Variants in CERKL observed in about 807,000 individuals in gnomAD.
The protein encoded by CERKL is ceramide kinase-like protein.
A neutral mutation model predicts 63.4 loss-of-function variants in CERKL; 61 were observed. That is an observed-to-expected ratio of 0.96 (90% CI 0.78 to 1.19). The LOEUF (loss-of-function observed/expected upper bound fraction) is 1.19, where lower values mean the gene tolerates loss of function less well. Among genes scored for constraint, CERKL ranks in the 50% most tolerant of loss-of-function variants. CERKL has a pLI of 0.00. For synonymous variants in CERKL, 250 were observed against 230.5 expected, an observed-to-expected ratio of 1.08 and a Z score of -0.77; for missense variants, 675 against 655.5, an observed-to-expected ratio of 1.03 and a Z score of -0.33.
chr2:181,635,251 A>G (rs1401811459), intron 1 of CERKL, among the ~76,000 whole-genome samples: 1 of 152,170 alleles, frequency 6.6e-6, no homozygotes, highest in Non-Finnish European at 1.5e-5. Context: ...AACCTGTAAA[A>G]TGACAGGTGT....
chr2:181,644,584 G>C (rs1020047251), intron 1 of CERKL, among the ~76,000 whole-genome samples: 1 of 152,114 alleles, frequency 6.6e-6, no homozygotes, highest in African/African-American at 2.4e-5. Flanking sequence ...TGAGCAACAT[G>C]GAACCTTCCT....
chr2:181,538,216 C>CATAAAGACTGATAA lies in CERKL; in HGVS notation c.1553_1566dup (p.Gly523LeufsTer12), dbSNP rs1242972363. On this transcript the variant is annotated frameshift_variant, in exon 13 of 13. Transcript: ENST00000410087. LOFTEE classifies it high-confidence loss of function. ...GGAATCATTTCTTCCATGCTTCCTCCATAAAGACTGATAAGTCTTGGATGC... is the reference window on the plus strand; with the variant it reads ...GGAATCATTTCTTCCATGCTTCCTCCATAAAGACTGATAAATAAAGACTGATAAGTCTTGGATGC... 1 of 1,590,532 alleles carries CATAAAGACTGATAA rather than the reference C, an allele frequency of 6.3e-7. No individual in the cohort carries two copies. The highest frequency in any genetic ancestry group is 8.6e-7 in the Non-Finnish European group (1 of 1,159,606).
rs1161297147 is a variant in CERKL at position 181,548,907 on chromosome 2, CA to C, written c.896-51del. ...TCAGTGAGTACAGTAGGACTTGTATCAAAACAGCAAACATAAGAGAGCATAT... is the reference window on the plus strand; with the variant it reads ...TCAGTGAGTACAGTAGGACTTGTATCAAACAGCAAACATAAGAGAGCATAT... On this transcript the variant is annotated intron_variant, in intron 6 of 12. Coordinates refer to ENST00000410087, the MANE Select transcript of CERKL (RefSeq NM_201548.5). The C allele has an allele frequency of 5.3e-6, 8 of 1,517,544 alleles. 1 individual carries two copies. The highest frequency in any genetic ancestry group is 6.4e-6 in the Non-Finnish European group (7 of 1,094,564). 94.0% of individuals were successfully genotyped at this position (1,517,544 alleles called of 1,614,324 possible).
chr2:181,615,838 T>C (rs545407739), intron 1 of CERKL, among the ~76,000 whole-genome samples: 3 of 152,338 alleles, frequency 2.0e-5, no homozygotes, highest in Admixed American at 2.0e-4. Context: ...TGAAAACCCA[T>C]CACAATATAA....
chr2:181,648,853 T>C (rs56114633), intron 1 of CERKL, among the ~76,000 whole-genome samples: 14,038 of 152,274 alleles, frequency 0.092, 829 homozygotes, highest in East Asian at 0.12. Flanking sequence ...CAGCTTAAAA[T>C]AGTTTATTAT....
rs1231700279 is a variant in CERKL, at chr2:181,592,224, T to C, written c.481+11613A>G. Among the ~76,000 whole-genome samples the C allele has an allele frequency of 3.9e-5, 6 of 152,182 alleles. No individual in the cohort carries two copies. The South Asian group carries it at 1.0e-3, about 26-fold the overall frequency. The stretch of plus-strand genomic sequence containing the variant: ...TTTCTCTCTCTTGACTCAGCTGATT[T>C]AATGTTATAAACATTTTAAATGTTT... On this transcript the variant is annotated intron_variant, in intron 2 of 12. Transcript: ENST00000410087.
At chr2:181,610,658 CCTG>C (rs1330076541) in intron 1 of CERKL, among the ~76,000 whole-genome samples, 1 of 152,042 alleles carries the variant, frequency 6.6e-6, no homozygotes. Context: ...GGGATCTGAT[CCTG>C]CTTTTATTAA....
At chr2:181,613,980 A>G (rs1686082458) in intron 1 of CERKL, among the ~76,000 whole-genome samples, 1 of 152,234 alleles carries the variant, frequency 6.6e-6, no homozygotes. Context: ...AGTATTCTAT[A>G]AACAAGCTTA....
intron 1 of CERKL, among the ~76,000 whole-genome samples, chr2:181,643,528 T>C (rs1397651759): frequency 6.6e-6 from 1 of 152,238 alleles, no homozygotes; most frequent in Non-Finnish European, 1.5e-5. Context: ...AGCATTTGTT[T>C]GCAATGGAAA....
intron 10 of CERKL, 31 bp from the exon 11 acceptor site, chr2:181,544,827 G>T (rs1181983568): frequency 2.9e-6 from 4 of 1,362,116 alleles, no homozygotes; most frequent in Admixed American, 1.7e-5. Flanking sequence ...TAGACATCAA[G>T]AAATTTACTA....
In CERKL at chr2:181,539,206, T is replaced by C. The variant is rs757582355; in HGVS notation, c.1424A>G (p.Asn475Ser). 8 of 1,605,384 alleles carry C rather than the reference T, an allele frequency of 5.0e-6. No individual in the cohort carries two copies. The South Asian group carries it at 8.8e-5, about 18-fold the overall frequency. The stretch of plus-strand genomic sequence containing the variant: ...CTCTGGATTATATCCACCAGTATTA[T>C]TCCTTGGATGAACTTTTACTTCCTC... Reference protein sequence around the residue: ...TVEEVKVHPRNNTGGYNPEEE... With the variant: ...TVEEVKVHPRSNTGGYNPEEE... Residue 475 changes from asparagine to serine, a missense_variant, in exon 12 of 13, where the codon AAT (asparagine) becomes AGT (serine). By Grantham distance (46) the Asn-to-Ser change is conservative. Coordinates refer to ENST00000410087, the MANE Select transcript of CERKL (RefSeq NM_201548.5).
chr2:181,536,905 A>C lies in CERKL; in HGVS notation c.*1279T>G, dbSNP rs1387156039. ...TAGGGAGTGATCAAATTAGAAGGCAATGTGGAAAAACAATTCTGGGAAAGA... is the reference window on the plus strand; with the variant it reads ...TAGGGAGTGATCAAATTAGAAGGCACTGTGGAAAAACAATTCTGGGAAAGA... On this transcript the variant is annotated 3_prime_UTR_variant, in exon 13 of 13. Transcript: ENST00000410087. 2.2e-6 allele frequency: 1 copy of C among 453,396 alleles called. No individual in the cohort carries two copies. Among genetic ancestry groups the C allele is most frequent in the African/African-American group, 2.0e-5 (1 of 49,968 alleles). 28.1% of individuals were successfully genotyped at this position (453,396 alleles called of 1,614,324 possible).
At position 181,557,857 on chromosome 2, in the gene CERKL, G is replaced by A. The variant is rs1688278132; in HGVS notation, c.820+709C>T. Among the ~76,000 whole-genome samples, 7 of 152,156 alleles carry A rather than the reference G, an allele frequency of 4.6e-5. No homozygotes were observed. In the South Asian group the frequency reaches 1.5e-3, roughly 32 times the overall value. On this transcript the variant is annotated intron_variant, in intron 5 of 12. Transcript: ENST00000410087. The stretch of plus-strand genomic sequence containing the variant: ...TTGCCTTTGCTTTATTACTTTTGCA[G>A]CCAAGAAAATAACTCATTCTCACCT...
rs527960731 is a variant in CERKL at position 181,629,713 on chromosome 2, T to C, written c.239-25634A>G. On this transcript the variant is annotated intron_variant, in intron 1 of 12. Transcript: ENST00000410087. ...CAAATTCATGACATTGTTAGTGATA[T>C]TCAGATGTATTTCACTATCTTTGAG... 2.0e-4 allele frequency among the ~76,000 whole-genome samples: 30 copies of C among 152,186 alleles called. 1 individual carries two copies. The South Asian group carries it at 6.0e-3, about 31-fold the overall frequency.
intron 1 of CERKL, among the ~76,000 whole-genome samples, chr2:181,623,811 A>T (rs1686562703): frequency 6.6e-6 from 1 of 152,192 alleles, no homozygotes; most frequent in African/African-American, 2.4e-5. Context: ...CTGAACTGAC[A>T]ATGAGAGTTG....
chr2:181,539,178 C>G lies in CERKL; in HGVS notation c.1452G>C (p.Glu484Asp), dbSNP rs146279858. 62 of 1,606,054 alleles carry G rather than the reference C, an allele frequency of 3.9e-5. No homozygotes were observed. The African/African-American group carries it at 7.0e-4, about 18-fold the overall frequency. The change falls in exon 12 of 13, where the codon GAG becomes GAC. Residue 484 changes from glutamate (E) to aspartate (D), a missense_variant. Transcript: ENST00000410087. ...RNNTGGYNPE[E>D]EEDETASENC... The stretch of plus-strand genomic sequence containing the variant: ...TTTCTGAAGCAGTTTCATCCTCCTC[C>G]TCCTCTGGATTATATCCACCAGTAT...
At position 181,607,445 on chromosome 2, in the gene CERKL, T is replaced by C. The variant is rs74503823; in HGVS notation, c.239-3366A>G. Among the ~76,000 whole-genome samples the C allele has an allele frequency of 8.0e-3, 1,224 of 152,342 alleles. 19 individuals carry two copies. The highest frequency in any genetic ancestry group is 0.028 in the African/African-American group (1,152 of 41,576). ...AATCTAACTCCTTTGTTACGAACTA[T>C]AGATGTTTTTGAAAACAGCCCTTCT... On this transcript the variant is annotated intron_variant, in intron 1 of 12. Coordinates refer to ENST00000410087, the MANE Select transcript of CERKL (RefSeq NM_201548.5).
Position 181,536,839 on chromosome 2 carries a change from C to T in CERKL, c.*1345G>A, listed in dbSNP as rs2368214. 387,187 of 388,496 alleles carry T rather than the reference C, an allele frequency of 1. 192,962 individuals are homozygous for T. Among genetic ancestry groups the T allele is most frequent in the Non-Finnish European group, 1 (193,986 of 194,004 alleles). The allele number at this position is 388,496 out of a possible 1,614,324, so 24.1% of individuals were successfully genotyped here. A position where few individuals can be genotyped will look rare whatever the true frequency, so the allele number is the denominator to read the frequency against. On this transcript the variant is annotated 3_prime_UTR_variant, in exon 13 of 13. Transcript: ENST00000410087. ...CAGAATATCATTTTATCTGACTCTG[C>T]CTTCATAAGAGAGCTGTGGCCGAAT...
chr2:181,619,804 C>G (rs1192328321), intron 1 of CERKL, among the ~76,000 whole-genome samples: 1 of 152,122 alleles, frequency 6.6e-6, no homozygotes, highest in African/African-American at 2.4e-5. Flanking sequence ...GACATTTAAT[C>G]GCATATCAGA....
Sources: gnomAD v4.1 joint callset for allele counts (sites outside exome capture counted in the v4.1 genomes callset) on GRCh38, gnomAD v4.1.1 for gene constraint, MANE v1.5 for transcripts, NCBI Gene and HGNC (gene_info 2026-07-23, HGNC 2026-07-21) for gene names.